The following ZBTB44 variants were observed in gnomAD, a reference collection of about 807,000 sequenced individuals.
ZBTB44 encodes zinc finger and BTB domain-containing protein 44.
ZBTB44 carries 15 observed loss-of-function variants against 54.0 expected under a neutral mutation model. That is an observed-to-expected ratio of 0.28 (90% CI 0.19 to 0.43). The LOEUF is 0.43. Ranked by LOEUF, ZBTB44 falls within the 20% of genes least tolerant of loss-of-function variation. The probability of loss-of-function intolerance (pLI) is 1.00; values close to 1 mark genes in which losing one functional copy is unlikely to be tolerated. For missense variants in ZBTB44, 487 were observed against 707.1 expected (o/e 0.69, Z 3.53); for synonymous variants, 230 against 250.1 (o/e 0.92, Z 0.76).
At position 130,287,711 on chromosome 11, in the gene ZBTB44, AG is replaced by A. The variant is rs1941049079; in HGVS notation, c.-56-25783del. 3.3e-5 allele frequency among the ~76,000 whole-genome samples: 5 copies of A among 152,324 alleles called. No individual in the cohort carries two copies. In the South Asian group the frequency reaches 1.0e-3, roughly 32 times the overall value. On this transcript the variant is annotated intron_variant, in intron 1 of 7. Transcript: ENST00000357899. ...AGTAAGAGAAGGAAATAATGATTGG[AG>A]AAATGGAAAAACTTTGGAGTATGTG...
intron 2 of ZBTB44, among the ~76,000 whole-genome samples, chr11:130,252,263 C>T (rs1938068303): frequency 6.6e-6 from 1 of 152,118 alleles, no homozygotes; most frequent in Non-Finnish European, 1.5e-5. Context: ...CAGAAGCACC[C>T]AGATTCATAA....
At chr11:130,307,064 G>T (rs1392015054) in intron 1 of ZBTB44, among the ~76,000 whole-genome samples, 2 of 139,392 alleles carry the variant, frequency 1.4e-5, no homozygotes, top group African/African-American at 5.3e-5. Flanking sequence ...AAAAATCAAA[G>T]AACAAGCAAA....
At chr11:130,243,085 G>C (rs1347819142) in intron 2 of ZBTB44, among the ~76,000 whole-genome samples, 1 of 152,106 alleles carries the variant, frequency 6.6e-6, no homozygotes, top group African/African-American at 2.4e-5. Flanking sequence ...CCTTAAATCT[G>C]CTATGTCACT....
chr11:130,307,152 T>A (rs1253522527), intron 1 of ZBTB44, among the ~76,000 whole-genome samples: 1 of 151,318 alleles, frequency 6.6e-6, no homozygotes, highest in Admixed American at 6.6e-5. Context: ...AGCCCGGGTG[T>A]GGTGGCTAAC....
At chr11:130,297,972 A>G (rs1331001616) in intron 1 of ZBTB44, among the ~76,000 whole-genome samples, 1 of 152,238 alleles carries the variant, frequency 6.6e-6, no homozygotes, top group Non-Finnish European at 1.5e-5. Flanking sequence ...GGAAGAACAT[A>G]TATCATGCAA....
rs140360703 is a variant in ZBTB44 at position 130,295,606 on chromosome 11, T to C, written c.-57+18769A>G. Reference sequence around the variant, plus strand: ...ATACTTCATTTGCTTCTCTACATAATATTGTCAATGAAAACTCTGAAGTTA... The same window carrying C: ...ATACTTCATTTGCTTCTCTACATAACATTGTCAATGAAAACTCTGAAGTTA... On this transcript the variant is annotated intron_variant, in intron 1 of 7. Transcript: ENST00000357899. 2.5e-3 allele frequency: 1,941 copies of C among 773,318 alleles called. 28 individuals carry two copies. The African/African-American group carries it at 0.029, about 11-fold the overall frequency. The allele number at this position is 773,318 out of a possible 1,614,324, so 47.9% of individuals were successfully genotyped here.
intron 1 of ZBTB44, among the ~76,000 whole-genome samples, chr11:130,276,242 A>AAAAAAAAAAAAAAAAAAAAAG (rs59112840): frequency 1.8e-4 from 17 of 94,454 alleles, no homozygotes; most frequent in African/African-American, 2.2e-4. Flanking sequence ...CAAAAAAAAA[A>AAAAAAAAAAAAAAAAAAAAAG]AAAAGAAAAA....
chr11:130,280,569 C>T (rs1474960614), intron 1 of ZBTB44, among the ~76,000 whole-genome samples: 3 of 152,298 alleles, frequency 2.0e-5, no homozygotes, highest in South Asian at 4.1e-4. Context: ...GACATAACAC[C>T]ATCAACCAAC....
At chr11:130,300,672 G>A (rs1269965719) in intron 1 of ZBTB44, among the ~76,000 whole-genome samples, 1 of 152,226 alleles carries the variant, frequency 6.6e-6, no homozygotes. Flanking sequence ...GATTGACAGT[G>A]TCAAATGCTG....
intron 3 of ZBTB44, 107 bp downstream of exon 3, chr11:130,239,705 T>C: frequency 2.4e-6 from 2 of 849,520 alleles, no homozygotes; most frequent in South Asian, 3.2e-5. Flanking sequence ...AAAAGTATAC[T>C]GAAGTGAGGT....
chr11:130,241,215 G>A (rs745942122), intron 2 of ZBTB44, among the ~76,000 whole-genome samples: 1 of 152,178 alleles, frequency 6.6e-6, no homozygotes, highest in Non-Finnish European at 1.5e-5. Flanking sequence ...TAGGAATGGA[G>A]GTGGTACATA....
chr11:130,273,214 T>C (rs1939806583), intron 1 of ZBTB44, among the ~76,000 whole-genome samples: 1 of 152,164 alleles, frequency 6.6e-6, no homozygotes. Context: ...TTGTCTTTAA[T>C]TTCTTTCAGC....
At chr11:130,296,784 G>A in intron 1 of ZBTB44, 1 of 773,662 alleles carries the variant, frequency 1.3e-6, no homozygotes. Flanking sequence ...GTCAGCCCAG[G>A]AAGCATATAA....
chr11:130,302,453 A>C (rs1224402701), intron 1 of ZBTB44, among the ~76,000 whole-genome samples: 2 of 152,236 alleles, frequency 1.3e-5, no homozygotes, highest in Admixed American at 1.3e-4. Context: ...TCTTGGAAGA[A>C]TGGGTTAGTT....
At chr11:130,298,455 GTTTTT>G (rs996057514) in intron 1 of ZBTB44, among the ~76,000 whole-genome samples, 2 of 116,342 alleles carry the variant, frequency 1.7e-5, no homozygotes, top group Non-Finnish European at 3.6e-5. Flanking sequence ...AAAAGTTGAA[GTTTTT>G]TTTTTTTTTT....
At chr11:130,284,045 A>T (rs77686202) in intron 1 of ZBTB44, among the ~76,000 whole-genome samples, 9,408 of 149,192 alleles carry the variant, frequency 0.063, 717 homozygotes, top group African/African-American at 0.18. Flanking sequence ...CCAAGCACAT[A>T]TGGGAGGCTG....
chr11:130,268,799 C>T (rs1196708781), intron 1 of ZBTB44, among the ~76,000 whole-genome samples: 3 of 150,742 alleles, frequency 2.0e-5, no homozygotes, highest in Non-Finnish European at 4.4e-5. Context: ...AGGCTGGTCT[C>T]GAACTCCTGA....
intron 5 of ZBTB44, 135 bp downstream of exon 5, chr11:130,236,658 G>C (rs887133287): frequency 1.1e-6 from 1 of 916,732 alleles, no homozygotes; most frequent in African/African-American, 1.7e-5. Context: ...ATTAGAGTAT[G>C]AACAGTGGGA....
chr11:130,285,984 G>A (rs1453135798), intron 1 of ZBTB44, among the ~76,000 whole-genome samples: 1 of 152,074 alleles, frequency 6.6e-6, no homozygotes, highest in East Asian at 1.9e-4. Flanking sequence ...TGTTCTTGTT[G>A]GAATAAAAAT....
Sources: gnomAD v4.1 joint callset for allele counts (sites outside exome capture counted in the v4.1 genomes callset) on GRCh38, gnomAD v4.1.1 for gene constraint, MANE v1.5 for transcripts, NCBI Gene and HGNC (gene_info 2026-07-23, HGNC 2026-07-21) for gene names.